The following EPHA6 variants were observed in gnomAD, a reference collection of about 807,000 sequenced individuals.
EPHA6 encodes the protein EPH receptor A6.
EPHA6 carries 50 observed loss-of-function variants against 112.0 expected under a neutral mutation model. The observed-to-expected ratio is 0.45, with a 90% confidence interval of 0.36 to 0.56. EPHA6 has a LOEUF of 0.56. Among genes scored for constraint, EPHA6 ranks in the 20% least tolerant of loss-of-function variants. EPHA6 has a pLI of 0.00. For missense variants in EPHA6, 1,280 were observed against 1,417.4 expected, an observed-to-expected ratio of 0.90 and a Z score of 1.56; for synonymous variants, 529 against 490.7, an observed-to-expected ratio of 1.08 and a Z score of -1.03.
chr3:96,863,937 A>G (rs1448540932), intron 1 of EPHA6, among the ~76,000 whole-genome samples: 1 of 152,062 alleles, frequency 6.6e-6, no homozygotes, highest in South Asian at 2.1e-4. Flanking sequence ...TGAGAAAATT[A>G]GAATAAAACT....
chr3:97,656,430 C>T (rs1456597770), intron 14 of EPHA6, among the ~76,000 whole-genome samples: 1 of 151,768 alleles, frequency 6.6e-6, no homozygotes, highest in East Asian at 1.9e-4. Context: ...CTACCATAAG[C>T]CCCAGAATCA....
chr3:97,123,994 C>A (rs2048113964), intron 3 of EPHA6, among the ~76,000 whole-genome samples: 2 of 151,938 alleles, frequency 1.3e-5, no homozygotes, highest in African/African-American at 2.4e-5. Context: ...TCCATGAGAA[C>A]CAGCAATGCT....
At chr3:96,901,511 T>C (rs1234061516) in intron 2 of EPHA6, among the ~76,000 whole-genome samples, 1 of 151,908 alleles carries the variant, frequency 6.6e-6, no homozygotes, top group East Asian at 1.9e-4. Flanking sequence ...GTAGAAGATG[T>C]TTGAACTTCC....
intron 5 of EPHA6, among the ~76,000 whole-genome samples, chr3:97,396,409 A>G (rs749071665): frequency 1.3e-5 from 2 of 150,464 alleles, no homozygotes; most frequent in Non-Finnish European, 3.0e-5. Flanking sequence ...TAAGTATTGA[A>G]TTTTCAAAAT....
At chr3:97,747,608 T>A (rs1276619650) in intron 17 of EPHA6, 36 bp downstream of exon 17, 12 of 1,535,320 alleles carry the variant, frequency 7.8e-6, no homozygotes, top group Non-Finnish European at 1.1e-5. Context: ...TAACGAGATG[T>A]CCTGCTGGGG....
At chr3:97,354,330 C>G (rs2108905181) in intron 5 of EPHA6, among the ~76,000 whole-genome samples, 1 of 152,168 alleles carries the variant, frequency 6.6e-6, no homozygotes, top group Non-Finnish European at 1.5e-5. Flanking sequence ...ACCTTTCAGA[C>G]AGAGACTTCA....
intron 5 of EPHA6, among the ~76,000 whole-genome samples, chr3:97,269,721 G>A (rs1021495047): frequency 7.3e-5 from 11 of 151,692 alleles, no homozygotes; most frequent in Non-Finnish European, 8.8e-5. Flanking sequence ...ATAACTTTAC[G>A]CAATGACCTA....
chr3:97,266,416 A>G (rs2079685713), intron 5 of EPHA6, among the ~76,000 whole-genome samples: 1 of 152,220 alleles, frequency 6.6e-6, no homozygotes, highest in South Asian at 2.1e-4. Flanking sequence ...AATGGTGACA[A>G]GTAAAATGCT....
chr3:96,957,402 A>G (rs923432383), intron 2 of EPHA6, among the ~76,000 whole-genome samples: 1 of 152,220 alleles, frequency 6.6e-6, no homozygotes, highest in Non-Finnish European at 1.5e-5. Flanking sequence ...GGGACTTCTC[A>G]TATCTGGAAA....
intron 3 of EPHA6, among the ~76,000 whole-genome samples, chr3:97,130,740 A>AT (rs1476106645): frequency 2.0e-5 from 3 of 152,186 alleles, no homozygotes; most frequent in Non-Finnish European, 2.9e-5. Flanking sequence ...GACTTGAATA[A>AT]TTTGATTACA....
chr3:97,146,721 C>T (rs1672699039), intron 3 of EPHA6, among the ~76,000 whole-genome samples: 1 of 151,900 alleles, frequency 6.6e-6, no homozygotes. Flanking sequence ...TTTGAAAACT[C>T]TTCTTTATCT....
intron 2 of EPHA6, among the ~76,000 whole-genome samples, chr3:96,928,541 G>A (rs1234635135): frequency 6.6e-6 from 1 of 152,076 alleles, no homozygotes; most frequent in South Asian, 2.1e-4. Context: ...ACTTCTGATT[G>A]TGTGTCAATT....
intron 6 of EPHA6, among the ~76,000 whole-genome samples, chr3:97,416,401 A>T (rs2088125643): frequency 6.6e-6 from 1 of 152,170 alleles, no homozygotes; most frequent in Non-Finnish European, 1.5e-5. Flanking sequence ...AAGAGATGAA[A>T]CATTTTCATT....
At chr3:96,964,441 T>G (rs1485016163) in intron 2 of EPHA6, among the ~76,000 whole-genome samples, 2 of 152,210 alleles carry the variant, frequency 1.3e-5, no homozygotes. Flanking sequence ...AAACTTTAAT[T>G]TGTATGTATT....
intron 3 of EPHA6, among the ~76,000 whole-genome samples, chr3:97,070,470 C>T (rs2046317570): frequency 6.6e-6 from 1 of 152,104 alleles, no homozygotes; most frequent in Admixed American, 6.6e-5. Flanking sequence ...CTCACATTCT[C>T]TGAACCAGAG....
intron 3 of EPHA6, among the ~76,000 whole-genome samples, chr3:97,008,859 T>G (rs1472714904): frequency 6.6e-6 from 1 of 152,056 alleles, no homozygotes; most frequent in Admixed American, 6.6e-5. Context: ...GCTTGTTTGG[T>G]TTTCTTTCAA....
intron 3 of EPHA6, among the ~76,000 whole-genome samples, chr3:97,166,990 C>T (rs1421733433): frequency 6.6e-6 from 1 of 152,110 alleles, no homozygotes; most frequent in Non-Finnish European, 1.5e-5. Flanking sequence ...AAGGCATGGA[C>T]ATATAATCTT....
At chr3:97,206,441 A>T (rs776026819) in intron 3 of EPHA6, among the ~76,000 whole-genome samples, 6 of 152,116 alleles carry the variant, frequency 3.9e-5, no homozygotes, top group African/African-American at 1.4e-4. Flanking sequence ...TCTTTATACC[A>T]TTCACTTTTT....
chr3:97,089,134 C>T (rs954494536), intron 3 of EPHA6, among the ~76,000 whole-genome samples: 2 of 152,078 alleles, frequency 1.3e-5, no homozygotes, highest in African/African-American at 2.4e-5. Context: ...GTTTGGAAAC[C>T]AGGTTTTACC....
Sources: gnomAD v4.1 joint callset for allele counts (sites outside exome capture counted in the v4.1 genomes callset) on GRCh38, gnomAD v4.1.1 for gene constraint, MANE v1.5 for transcripts, NCBI Gene and HGNC (gene_info 2026-07-23, HGNC 2026-07-21) for gene names.